TNFRSF19: variants seen among roughly 807,000 people sequenced by gnomAD.
TNFRSF19 encodes the protein TNF receptor superfamily member 19, also known as tumor necrosis factor receptor superfamily member 19.
In TNFRSF19, 27 loss-of-function variants were observed where a neutral mutation model predicts 46.4. The ratio of observed to expected loss-of-function variants is 0.58; its 90% confidence interval spans 0.43 to 0.80. The LOEUF is 0.80. Among genes scored for constraint, TNFRSF19 ranks in the 30% least tolerant of loss-of-function variants. The pLI, the probability that TNFRSF19 is intolerant of heterozygous loss-of-function variation, is 0.00. For synonymous variants in TNFRSF19, 204 were observed against 205.0 expected, an observed-to-expected ratio of 1.00 and a Z score of 0.04; for missense variants, 511 against 530.8, an observed-to-expected ratio of 0.96 and a Z score of 0.37.
intron 9 of TNFRSF19, 94 bp downstream of exon 9, chr13:23,669,191 G>GC: frequency 1.5e-6 from 2 of 1,294,074 alleles, no homozygotes; most frequent in Non-Finnish European, 2.0e-6. Context: ...AACCTGATGA[G>GC]TTTTTTTTTT....
intron 1 of TNFRSF19, among the ~76,000 whole-genome samples, chr13:23,584,463 G>C (rs1411243925): frequency 6.6e-6 from 1 of 151,682 alleles, no homozygotes; most frequent in Admixed American, 6.6e-5. Context: ...AGTTTTTTTA[G>C]CCACTCACTG....
At chr13:23,669,657 C>G in intron 9 of TNFRSF19, 1 of 985,206 alleles carries the variant, frequency 1.0e-6, no homozygotes, top group Non-Finnish European at 1.2e-6. Context: ...AAGACCCTCT[C>G]AGGTGGAATG....
intron 1 of TNFRSF19, among the ~76,000 whole-genome samples, chr13:23,572,067 A>G (rs1877667404): frequency 1.3e-5 from 2 of 152,122 alleles, no homozygotes; most frequent in Non-Finnish European, 2.9e-5. Flanking sequence ...TTCACAGCCA[A>G]TTAATTAAAT....
At chr13:23,615,453 G>T (rs906605616) in intron 3 of TNFRSF19, among the ~76,000 whole-genome samples, 8 of 152,086 alleles carry the variant, frequency 5.3e-5, no homozygotes, top group Non-Finnish European at 7.4e-5. Flanking sequence ...CCTCATTTTT[G>T]AAAATAACAC....
At chr13:23,586,817 C>T (rs1878879737) in intron 1 of TNFRSF19, among the ~76,000 whole-genome samples, 1 of 152,140 alleles carries the variant, frequency 6.6e-6, no homozygotes, top group African/African-American at 2.4e-5. Context: ...TCTTTGCATG[C>T]TCCTGATACT....
At chr13:23,612,511 A>C (rs911548979) in intron 3 of TNFRSF19, among the ~76,000 whole-genome samples, 4 of 152,304 alleles carry the variant, frequency 2.6e-5, no homozygotes, top group Admixed American at 2.6e-4. Flanking sequence ...ATTTCTTGGA[A>C]TCACCTTCTT....
chr13:23,668,983 A>G lies in TNFRSF19; in HGVS notation c.1131A>G (p.Arg377=). Residue 377 remains arginine, a synonymous_variant, in exon 9 of 10, where the codon AGA becomes AGG. Transcript: ENST00000248484. ...TTACAGCAGCTACTGATTTATCTAG[A>G]TATAACAACACACTGGTAGAATCAG... The part of the protein sequence containing the change: ...ENFTAATDLS[R]YNNTLVESAS... The G allele has an allele frequency of 6.2e-7, 1 of 1,614,232 alleles. No homozygotes were observed. The highest frequency in any genetic ancestry group is 8.5e-7 in the Non-Finnish European group (1 of 1,180,050).
chr13:23,579,190 G>C (rs923677257), intron 1 of TNFRSF19, among the ~76,000 whole-genome samples: 4 of 152,226 alleles, frequency 2.6e-5, no homozygotes, highest in African/African-American at 9.7e-5. Flanking sequence ...CCGCGGAGTG[G>C]GGGCCTCCAA....
chr13:23,576,752 G>C (rs867010378), intron 1 of TNFRSF19, among the ~76,000 whole-genome samples: 6 of 152,150 alleles, frequency 3.9e-5, no homozygotes, highest in Admixed American at 2.6e-4. Flanking sequence ...ACAAAATAAA[G>C]TGTACATGTT....
At chr13:23,590,493 C>T (rs908441340) in intron 2 of TNFRSF19, among the ~76,000 whole-genome samples, 2 of 152,170 alleles carry the variant, frequency 1.3e-5, no homozygotes, top group Non-Finnish European at 2.9e-5. Flanking sequence ...CACCACCACT[C>T]CCAGCTAATT....
At chr13:23,602,790 A>C (rs1880255136) in intron 3 of TNFRSF19, among the ~76,000 whole-genome samples, 1 of 152,114 alleles carries the variant, frequency 6.6e-6, no homozygotes, top group Non-Finnish European at 1.5e-5. Context: ...TTGCAAGATA[A>C]ATTTAAAAAT....
chr13:23,639,351 CCACTG>C (rs772657773), intron 5 of TNFRSF19, among the ~76,000 whole-genome samples: 2 of 152,144 alleles, frequency 1.3e-5, no homozygotes, highest in Non-Finnish European at 2.9e-5. Context: ...CAAGATCATG[CCACTG>C]CACTCCAGCC....
rs1951797797 is a variant in TNFRSF19 at position 23,674,365 on chromosome 13, G to A, written c.*985G>A. ...AGCCTTCCGTGAGAACACACCACAT[G>A]TTAGGACTAGAAGAAAATGCACAAT... On this transcript the variant is annotated 3_prime_UTR_variant, in exon 10 of 10. Coordinates refer to ENST00000248484, the MANE Select transcript of TNFRSF19 (RefSeq NM_148957.4). 6.6e-6 allele frequency: 1 copy of A among 152,214 alleles called. No homozygotes were observed. Among genetic ancestry groups the A allele is most frequent in the African/African-American group, 2.4e-5 (1 of 41,456 alleles). 9.4% of individuals were successfully genotyped at this position (152,214 alleles called of 1,614,324 possible).
At chr13:23,608,834 A>G (rs994910326) in intron 3 of TNFRSF19, among the ~76,000 whole-genome samples, 4 of 152,210 alleles carry the variant, frequency 2.6e-5, no homozygotes, top group Admixed American at 2.0e-4. Context: ...CCAGAATCAT[A>G]TTGACCTAAC....
At chr13:23,592,986 G>GT (rs5802243) in intron 2 of TNFRSF19, among the ~76,000 whole-genome samples, 44,724 of 150,656 alleles carry the variant, frequency 0.3, 6,687 homozygotes, top group South Asian at 0.34. Context: ...AGTCATAACT[G>GT]TTTTTTTTTT....
At chr13:23,638,033 G>C (rs1882798643) in intron 5 of TNFRSF19, among the ~76,000 whole-genome samples, 1 of 152,122 alleles carries the variant, frequency 6.6e-6, no homozygotes, top group Admixed American at 6.5e-5. Context: ...CACTATTTTT[G>C]AGCTTGCTCT....
At chr13:23,597,272 AC>A (rs1161771398) in intron 3 of TNFRSF19, among the ~76,000 whole-genome samples, 1 of 152,134 alleles carries the variant, frequency 6.6e-6, no homozygotes, top group Non-Finnish European at 1.5e-5. Flanking sequence ...AGATAGAGAC[AC>A]CAAAAAACCC....
intron 3 of TNFRSF19, among the ~76,000 whole-genome samples, chr13:23,605,150 G>T (rs961748441): frequency 9.9e-5 from 15 of 152,198 alleles, no homozygotes; most frequent in Admixed American, 8.5e-4. Context: ...ATGGGTAAAA[G>T]ACCTTAACAA....
chr13:23,642,867 T>C (rs1883108563), intron 5 of TNFRSF19, among the ~76,000 whole-genome samples: 2 of 152,220 alleles, frequency 1.3e-5, no homozygotes, highest in Admixed American at 6.5e-5. Context: ...TACTCCTCAT[T>C]GACTAAAATC....
Sources: allele counts gnomAD v4.1 joint callset (sites outside exome capture counted in the v4.1 genomes callset), GRCh38; gene constraint gnomAD v4.1.1; transcripts MANE v1.5; gene names NCBI Gene and HGNC (gene_info 2026-07-23, HGNC 2026-07-21).